Variants in OXR1 observed in about 807,000 individuals in gnomAD.
OXR1 encodes oxidation resistance 1.
A neutral mutation model predicts 104.6 loss-of-function variants in OXR1; 41 were observed. The observed-to-expected ratio is 0.39, with a 90% CI of 0.31 to 0.51. OXR1 has a LOEUF of 0.51. Among genes scored for constraint, OXR1 ranks in the 20% least tolerant of loss-of-function variants. OXR1 has a pLI of 0.77. For missense variants in OXR1, 955 were observed against 1,031.9 expected (o/e 0.93, Z 1.02); for synonymous variants, 348 against 348.4 (o/e 1.00, Z 0.01).
chr8:106,674,416 T>C (rs1008475332), intron 3 of OXR1, among the ~76,000 whole-genome samples: 1 of 152,196 alleles, frequency 6.6e-6, no homozygotes, highest in African/African-American at 2.4e-5. Flanking sequence ...GTACCCACAT[T>C]GTGTCTTGGA....
chr8:106,428,872 CATT>C (rs1158206072), intron 2 of OXR1, among the ~76,000 whole-genome samples: 2 of 152,096 alleles, frequency 1.3e-5, no homozygotes, highest in African/African-American at 4.8e-5. Context: ...GTAAGCATCT[CATT>C]GTTACAGTAT....
chr8:106,709,907 A>G (rs1247799770), intron 9 of OXR1, among the ~76,000 whole-genome samples: 3 of 152,070 alleles, frequency 2.0e-5, no homozygotes, highest in Non-Finnish European at 4.4e-5. Context: ...TAGATTATCT[A>G]CCTTGTGTAA....
At chr8:106,726,876 A>T (rs541695430) in intron 11 of OXR1, among the ~76,000 whole-genome samples, 1 of 152,302 alleles carries the variant, frequency 6.6e-6, no homozygotes, top group East Asian at 1.9e-4. Flanking sequence ...CTGTACGTGT[A>T]CATTGTTATA....
At chr8:106,540,265 T>C (rs187309525) in intron 3 of OXR1, among the ~76,000 whole-genome samples, 1 of 152,278 alleles carries the variant, frequency 6.6e-6, no homozygotes, top group East Asian at 1.9e-4. Flanking sequence ...GATCAACCAT[T>C]GTTTGTATGG....
chr8:106,521,494 C>A (rs75957602), intron 3 of OXR1, among the ~76,000 whole-genome samples: 2,178 of 137,168 alleles, frequency 0.016, 47 homozygotes, highest in East Asian at 0.11. Context: ...AGGTTGCCAT[C>A]CCTGCGCTAT....
intron 16 of OXR1, among the ~76,000 whole-genome samples, chr8:106,747,379 T>G (rs1835478583): frequency 6.6e-6 from 1 of 152,238 alleles, no homozygotes; most frequent in Non-Finnish European, 1.5e-5. Flanking sequence ...CCTAAACTGA[T>G]AGCCACCTTT....
At chr8:106,586,539 A>C (rs1818643222) in intron 3 of OXR1, among the ~76,000 whole-genome samples, 1 of 152,188 alleles carries the variant, frequency 6.6e-6, no homozygotes, top group South Asian at 2.1e-4. Context: ...TGGCTATTTG[A>C]ATGTGGAGTT....
At chr8:106,659,316 G>A (rs1329569614) in intron 3 of OXR1, among the ~76,000 whole-genome samples, 1 of 152,132 alleles carries the variant, frequency 6.6e-6, no homozygotes, top group African/African-American at 2.4e-5. Flanking sequence ...ATGTGTGTAG[G>A]TATGTAATTT....
In OXR1 at chr8:106,484,730, A is replaced by T. The variant is rs1177723429; in HGVS notation, c.24-34213A>T. 3.9e-5 allele frequency among the ~76,000 whole-genome samples: 6 copies of T among 152,064 alleles called. No individual in the cohort carries two copies. The East Asian group carries it at 1.2e-3, about 30-fold the overall frequency. Reference sequence around the variant, plus strand: ...CATTCATTGCTAATGGAAATGCAAAATGGTACAGCCACTTTGGGGGACAGT... The same window carrying T: ...CATTCATTGCTAATGGAAATGCAAATTGGTACAGCCACTTTGGGGGACAGT... On this transcript the variant is annotated intron_variant, in intron 2 of 16. Transcript: ENST00000517566.
chr8:106,582,177 C>CAT (rs71562108), intron 3 of OXR1, among the ~76,000 whole-genome samples: 56,792 of 119,010 alleles, frequency 0.48, 13,898 homozygotes, highest in East Asian at 0.59. Flanking sequence ...TTTCTATTGA[C>CAT]ATATATATAT....
intron 1 of OXR1, among the ~76,000 whole-genome samples, chr8:106,357,623 T>A (rs1423405941): frequency 6.6e-6 from 1 of 150,604 alleles, no homozygotes; most frequent in Non-Finnish European, 1.5e-5. Context: ...ATGGCCTCTA[T>A]GTTAAATGGT....
chr8:106,389,832 G>A (rs1419837659), intron 2 of OXR1, among the ~76,000 whole-genome samples: 2 of 152,136 alleles, frequency 1.3e-5, no homozygotes, highest in Admixed American at 6.5e-5. Context: ...TTAGGAGGCC[G>A]AGGTGGGTGG....
chr8:106,351,415 A>G (rs1274376923), intron 1 of OXR1, among the ~76,000 whole-genome samples: 1 of 152,216 alleles, frequency 6.6e-6, no homozygotes, highest in Non-Finnish European at 1.5e-5. Flanking sequence ...AGTTTGGAAG[A>G]AATGATGTGC....
chr8:106,501,480 A>T (rs897984200), intron 2 of OXR1, among the ~76,000 whole-genome samples: 1 of 152,188 alleles, frequency 6.6e-6, no homozygotes, highest in Non-Finnish European at 1.5e-5. Flanking sequence ...CACGATCTGA[A>T]TTATGTTTTT....
At chr8:106,415,893 AT>A (rs1282209265) in intron 2 of OXR1, among the ~76,000 whole-genome samples, 4 of 152,046 alleles carry the variant, frequency 2.6e-5, no homozygotes, top group Non-Finnish European at 5.9e-5. Context: ...CTCATAGTAT[AT>A]TTTCAAATAT....
intron 3 of OXR1, among the ~76,000 whole-genome samples, chr8:106,573,272 A>G (rs1055529468): frequency 6.6e-6 from 1 of 152,030 alleles, no homozygotes; most frequent in Admixed American, 6.6e-5. Flanking sequence ...AGACATACAC[A>G]GAATAATGTT....
intron 3 of OXR1, among the ~76,000 whole-genome samples, chr8:106,570,454 A>T (rs956544825): frequency 2.6e-5 from 4 of 152,118 alleles, no homozygotes; most frequent in African/African-American, 9.7e-5. Context: ...GATAGGGTGA[A>T]ATTGGAGGGG....
rs542832387 is a variant in OXR1, at chr8:106,639,421, A to G, written c.221-39789A>G. Among the ~76,000 whole-genome samples the G allele has an allele frequency of 1.1e-3, 168 of 152,326 alleles. 3 individuals carry two copies. The South Asian group carries it at 0.034, about 31-fold the overall frequency. On this transcript the variant is annotated intron_variant, in intron 3 of 16. Coordinates refer to ENST00000517566, the MANE Select transcript of OXR1 (RefSeq NM_001198533.2). ...AGAGAAACCATGTAAAAAACTGCAGACAAGAAGATGAATGAGACATATACC... is the reference window on the plus strand; with the variant it reads ...AGAGAAACCATGTAAAAAACTGCAGGCAAGAAGATGAATGAGACATATACC...
At chr8:106,712,949 C>G (rs1437015655) in intron 10 of OXR1, among the ~76,000 whole-genome samples, 1 of 151,826 alleles carries the variant, frequency 6.6e-6, no homozygotes. Context: ...ATATTCATTA[C>G]AAATTAGTAT....
Sources: allele counts gnomAD v4.1 joint callset (sites outside exome capture counted in the v4.1 genomes callset), GRCh38; gene constraint gnomAD v4.1.1; transcripts MANE v1.5; gene names NCBI Gene and HGNC (gene_info 2026-07-23, HGNC 2026-07-21).